Variants in MCMDC2 observed in about 807,000 individuals in gnomAD.
MCMDC2 encodes minichromosome maintenance domain-containing protein 2.
A neutral mutation model predicts 75.8 loss-of-function variants in MCMDC2; 54 were observed. That is an observed-to-expected ratio of 0.71 (90% CI 0.57 to 0.89). The LOEUF (loss-of-function observed/expected upper bound fraction) is 0.89, where lower values mean the gene tolerates loss of function less well. Among genes scored for constraint, MCMDC2 ranks in the 40% least tolerant of loss-of-function variants. The pLI is 0.00. For synonymous variants in MCMDC2, 249 were observed against 274.6 expected, an observed-to-expected ratio of 0.91 and a Z score of 0.92; for missense variants, 656 against 780.4, an observed-to-expected ratio of 0.84 and a Z score of 1.90.
rs1471803094 is a variant in MCMDC2, at chr8:66,901,359, A to C, written c.1769+11A>C. On this transcript the variant is annotated intron_variant, in intron 13 of 14. Coordinates refer to ENST00000422365, the MANE Select transcript of MCMDC2 (RefSeq NM_173518.5). ...TGCATTAAAATATCTGTAGGTATTCAATTCAAGATTTTAAAATCAGCATTG... is the reference window on the plus strand; with the variant it reads ...TGCATTAAAATATCTGTAGGTATTCCATTCAAGATTTTAAAATCAGCATTG... The C allele has an allele frequency of 6.3e-7, 1 of 1,587,310 alleles. No individual in the cohort carries two copies. Among genetic ancestry groups the C allele is most frequent in the African/African-American group, 1.4e-5 (1 of 73,822 alleles).
At chr8:66,884,255 A>G (rs1811728882) in intron 9 of MCMDC2, 1 of 510,750 alleles carries the variant, frequency 2.0e-6, no homozygotes, top group South Asian at 3.2e-5. Flanking sequence ...CTTTCCCCCT[A>G]TTCCCTAGCT....
intron 1 of MCMDC2, among the ~76,000 whole-genome samples, chr8:66,872,492 C>G (rs1026634905): frequency 6.6e-6 from 1 of 152,136 alleles, no homozygotes; most frequent in African/African-American, 2.4e-5. Context: ...TTCATGCTAC[C>G]TGGTATATTC....
Position 66,896,148 on chromosome 8 carries a change from T to G in MCMDC2, c.1280-22T>G, listed in dbSNP as rs779245363. The G allele has an allele frequency of 3.1e-6, 5 of 1,589,908 alleles. No individual in the cohort carries two copies. In the African/African-American group the frequency reaches 5.4e-5, roughly 17 times the overall value. On this transcript the variant is annotated intron_variant, in intron 10 of 14. Coordinates refer to ENST00000422365, the MANE Select transcript of MCMDC2 (RefSeq NM_173518.5). ...GACCAAAATGAACTTAAATAACAAA[T>G]GGATAATGTCTTCTGACTTAGTTCT...
chr8:66,915,438 C>A (rs1270069175), intron 14 of MCMDC2, among the ~76,000 whole-genome samples: 6 of 148,944 alleles, frequency 4.0e-5, no homozygotes, highest in Non-Finnish European at 7.4e-5. Flanking sequence ...GGTGACAAAG[C>A]CAGACTCCGT....
chr8:66,895,178 G>A (rs1313435482), intron 10 of MCMDC2, among the ~76,000 whole-genome samples: 1 of 152,048 alleles, frequency 6.6e-6, no homozygotes, highest in African/African-American at 2.4e-5. Context: ...TAAATGCTTT[G>A]CAAATTGTTA....
downstream of MCMDC2, among the ~76,000 whole-genome samples, chr8:66,925,789 T>G (rs927587081): frequency 6.6e-6 from 1 of 152,012 alleles, no homozygotes; most frequent in South Asian, 2.1e-4. Flanking sequence ...GGCTCAGGAG[T>G]AACTCTGCTA....
At chr8:66,902,608 C>T (rs1432504977) in intron 13 of MCMDC2, among the ~76,000 whole-genome samples, 1 of 146,508 alleles carries the variant, frequency 6.8e-6, no homozygotes, top group African/African-American at 2.5e-5. Context: ...GCAGGAGAAT[C>T]ACTTGAACCC....
At chr8:66,905,951 G>GC (rs1328928378) in intron 14 of MCMDC2, among the ~76,000 whole-genome samples, 1 of 151,020 alleles carries the variant, frequency 6.6e-6, no homozygotes, top group Non-Finnish European at 1.5e-5. Context: ...GTTGCAGTGA[G>GC]CTGAGATTGC....
intron 9 of MCMDC2, among the ~76,000 whole-genome samples, chr8:66,888,574 A>G (rs1811951608): frequency 6.6e-6 from 1 of 152,210 alleles, no homozygotes; most frequent in African/African-American, 2.4e-5. Flanking sequence ...TATAAAGGTC[A>G]TGCAAATATT....
At chr8:66,911,963 A>G (rs1057343152) in intron 14 of MCMDC2, among the ~76,000 whole-genome samples, 1 of 152,206 alleles carries the variant, frequency 6.6e-6, no homozygotes, top group African/African-American at 2.4e-5. Flanking sequence ...CAGCCCCTGG[A>G]TCAAGAAGTA....
chr8:66,899,791 C>T (rs149640612), intron 12 of MCMDC2, among the ~76,000 whole-genome samples: 5,321 of 151,734 alleles, frequency 0.035, 97 homozygotes, highest in Admixed American at 0.046. Context: ...CCACCGTGCC[C>T]AGCTGTCTCT....
chr8:66,921,190 G>A lies in MCMDC2; in HGVS notation c.*2021G>A, dbSNP rs1813514453. The A allele has an allele frequency of 6.6e-6, 1 of 152,106 alleles. No individual in the cohort carries two copies. Among genetic ancestry groups the A allele is most frequent in the African/African-American group, 2.4e-5 (1 of 41,412 alleles). The allele number at this position is 152,106 out of a possible 1,614,324, so 9.4% of individuals were successfully genotyped here. A position where few individuals can be genotyped will look rare whatever the true frequency, so the allele number is the denominator to read the frequency against. On this transcript the variant is annotated 3_prime_UTR_variant, in exon 15 of 15. Coordinates refer to ENST00000422365, the MANE Select transcript of MCMDC2 (RefSeq NM_173518.5). ...AGTGTACATTCAGAAACAATTATGGGAGGTAATTCATTAATATTAAATATG... is the reference window on the plus strand; with the variant it reads ...AGTGTACATTCAGAAACAATTATGGAAGGTAATTCATTAATATTAAATATG...
chr8:66,896,934 A>G lies in MCMDC2; in HGVS notation c.1601A>G (p.Gln534Arg), dbSNP rs746546218. The G allele has an allele frequency of 1.9e-6, 3 of 1,605,336 alleles. No individual in the cohort carries two copies. Among genetic ancestry groups the G allele is most frequent in the Non-Finnish European group, 2.6e-6 (3 of 1,176,464 alleles). The change falls in exon 12 of 15, where the codon CAG (glutamine) becomes CGG (arginine). Residue 534 changes from glutamine to arginine, a missense_variant. Transcript: ENST00000422365. Reference sequence around the variant, plus strand: ...GGGCTGTTTTATGCGGCTTCTAGACAGTTCACAACTGAAGATTTTGAAAAG... The same window carrying G: ...GGGCTGTTTTATGCGGCTTCTAGACGGTTCACAACTGAAGATTTTGAAAAG... Reference protein sequence around the residue: ...PEGLFYAASRQFTTEDFEKLL... With the variant: ...PEGLFYAASRRFTTEDFEKLL...
chr8:66,886,318 C>G (rs1286764449), intron 9 of MCMDC2, among the ~76,000 whole-genome samples: 1 of 152,102 alleles, frequency 6.6e-6, no homozygotes, highest in African/African-American at 2.4e-5. Flanking sequence ...GCACATGCCA[C>G]CACACCTGGC....
intron 9 of MCMDC2, among the ~76,000 whole-genome samples, chr8:66,887,266 G>A (rs541359146): frequency 7.9e-5 from 12 of 151,976 alleles, no homozygotes; most frequent in East Asian, 1.9e-4. Context: ...CTGGCTGGGC[G>A]CGGTGGCTCA....
rs779245784 is a variant in MCMDC2 at position 66,880,871 on chromosome 8, T to C, written c.732T>C (p.Asn244=). ...TAGATGAATCAGTGAATAAAATGAA[T>C]ATAGGAAATGAATATAAAATTATTG... ...FLRDESVNKM[N]IGNEYKIIGI... is the part of the protein sequence containing the mutation. Residue 244 remains asparagine (N), a synonymous_variant, in exon 8 of 15, where the codon AAT becomes AAC. Coordinates refer to ENST00000422365, the MANE Select transcript of MCMDC2 (RefSeq NM_173518.5). 9.0e-6 allele frequency: 14 copies of C among 1,556,856 alleles called. No individual in the cohort carries two copies. The highest frequency in any genetic ancestry group is 1.2e-5 in the Non-Finnish European group (14 of 1,151,672).
intron 9 of MCMDC2, among the ~76,000 whole-genome samples, chr8:66,887,384 C>CA (rs1334744459): frequency 0.022 from 1,887 of 84,690 alleles, 45 homozygotes; most frequent in Admixed American, 0.1. Flanking sequence ...ACTAAAAATA[C>CA]AAAAAAAAAA....
chr8:66,886,078 T>G (rs1811823125), intron 9 of MCMDC2, among the ~76,000 whole-genome samples: 1 of 152,100 alleles, frequency 6.6e-6, no homozygotes, highest in Non-Finnish European at 1.5e-5. Flanking sequence ...CTTGCACAAG[T>G]CTTTTTGTGG....
intron 5 of MCMDC2, 129 bp from the exon 6 acceptor site, chr8:66,878,445 A>T: frequency 1.2e-6 from 1 of 860,702 alleles, no homozygotes; most frequent in Non-Finnish European, 1.6e-6. Context: ...TGTAATAGCT[A>T]CAATCTGTGT....
Sources: gnomAD v4.1 joint callset for allele counts (sites outside exome capture counted in the v4.1 genomes callset) on GRCh38, gnomAD v4.1.1 for gene constraint, MANE v1.5 for transcripts, NCBI Gene and HGNC (gene_info 2026-07-23, HGNC 2026-07-21) for gene names.